RALGPS1: variants seen among roughly 807,000 people sequenced by gnomAD.
The protein encoded by RALGPS1 is Ral GEF with PH domain and SH3 binding motif 1.
In RALGPS1, 19 loss-of-function variants were observed where a neutral mutation model predicts 78.8. The ratio of observed to expected loss-of-function variants is 0.24; its 90% CI spans 0.17 to 0.35. RALGPS1 has a LOEUF of 0.35. Among genes scored for constraint, RALGPS1 ranks in the 10% least tolerant of loss-of-function variants. The probability of loss-of-function intolerance (pLI) is 1.00; values close to 1 mark genes in which losing one functional copy is unlikely to be tolerated. For synonymous variants in RALGPS1, 228 were observed against 256.3 expected (o/e 0.89, Z 1.06); for missense variants, 454 against 688.3 (o/e 0.66, Z 3.81).
At chr9:127,047,909 G>A (rs770341554) in intron 5 of RALGPS1, among the ~76,000 whole-genome samples, 11 of 152,124 alleles carry the variant, frequency 7.2e-5, no homozygotes, top group Non-Finnish European at 1.5e-4. Flanking sequence ...ATAAAAAAGT[G>A]TTTACAACTA....
intron 8 of RALGPS1, among the ~76,000 whole-genome samples, chr9:127,137,749 T>C (rs1344252130): frequency 1.3e-5 from 2 of 152,210 alleles, no homozygotes; most frequent in African/African-American, 4.8e-5. Flanking sequence ...ATACATGGCG[T>C]GAGCAGATCA....
At chr9:127,161,191 G>A (rs1420518866) in intron 8 of RALGPS1, among the ~76,000 whole-genome samples, 1 of 152,266 alleles carries the variant, frequency 6.6e-6, no homozygotes, top group Non-Finnish European at 1.5e-5. Context: ...ACTGAGGGGT[G>A]GCCACCATGC....
At chr9:126,982,499 A>G (rs765892952) in intron 4 of RALGPS1, among the ~76,000 whole-genome samples, 8 of 152,246 alleles carry the variant, frequency 5.3e-5, no homozygotes, top group Non-Finnish European at 1.0e-4. Context: ...GCTGGAACCT[A>G]TTAAAACAAC....
intron 8 of RALGPS1, among the ~76,000 whole-genome samples, chr9:127,095,228 C>G (rs1358212025): frequency 6.6e-6 from 1 of 152,124 alleles, no homozygotes; most frequent in Non-Finnish European, 1.5e-5. Context: ...GAAACCCTGT[C>G]TCTACTAAAA....
At chr9:127,202,549 C>T (rs907395096) in intron 14 of RALGPS1, among the ~76,000 whole-genome samples, 1 of 152,206 alleles carries the variant, frequency 6.6e-6, no homozygotes, top group Non-Finnish European at 1.5e-5. Flanking sequence ...CTCTTCTGCT[C>T]TTCATCCTCC....
intron 3 of RALGPS1, among the ~76,000 whole-genome samples, chr9:126,969,980 G>GT (rs1330745441): frequency 6.6e-6 from 1 of 152,160 alleles, no homozygotes; most frequent in African/African-American, 2.4e-5. Context: ...GTGCCTAGGT[G>GT]TTAGAATTGA....
chr9:126,961,749 T>C (rs1292923149), intron 1 of RALGPS1, among the ~76,000 whole-genome samples: 1 of 152,176 alleles, frequency 6.6e-6, no homozygotes, highest in African/African-American at 2.4e-5. Flanking sequence ...TAAGCCGTGA[T>C]TGAGCCACTG....
intron 14 of RALGPS1, among the ~76,000 whole-genome samples, chr9:127,202,021 G>A (rs1184478065): frequency 6.6e-6 from 1 of 152,176 alleles, no homozygotes; most frequent in East Asian, 1.9e-4. Context: ...GCCGTGGTGG[G>A]GGAGACAGCA....
rs150672877 is a variant in RALGPS1, at chr9:127,188,702, A to G, written c.911-6389A>G. On this transcript the variant is annotated intron_variant, in intron 11 of 18. Transcript: ENST00000259351. ...TCCATTGGGCTGGTTGCAGTGGCTC[A>G]TGCCTGCAATTCCAGCACTTTGGGA... Among the ~76,000 whole-genome samples the G allele has an allele frequency of 1.5e-3, 224 of 152,038 alleles. No homozygotes were observed. The Middle Eastern group carries it at 0.017, about 12-fold the overall frequency.
chr9:126,989,064 C>G (rs1299440609), intron 4 of RALGPS1, among the ~76,000 whole-genome samples: 1 of 152,042 alleles, frequency 6.6e-6, no homozygotes, highest in East Asian at 1.9e-4. Context: ...CAAGACCCCA[C>G]CTTATCATCA....
At chr9:127,198,717 G>T (rs1004967144) in intron 13 of RALGPS1, among the ~76,000 whole-genome samples, 2 of 152,162 alleles carry the variant, frequency 1.3e-5, no homozygotes, top group African/African-American at 4.8e-5. Context: ...GTGGAGCCAG[G>T]TCAGGCCCAG....
chr9:127,182,199 G>A (rs1053314867), intron 11 of RALGPS1, among the ~76,000 whole-genome samples: 1 of 149,582 alleles, frequency 6.7e-6, no homozygotes, highest in African/African-American at 2.5e-5. Flanking sequence ...AAAAAAATTA[G>A]CAAGGCGTGG....
chr9:127,030,647 TTATTAA>T (rs1400292551), intron 4 of RALGPS1, among the ~76,000 whole-genome samples: 1 of 151,918 alleles, frequency 6.6e-6, no homozygotes, highest in African/African-American at 2.4e-5. Flanking sequence ...TTTTTTATTG[TTATTAA>T]TATTAATGGG....
chr9:127,002,448 C>CTTT (rs376846876), intron 4 of RALGPS1, among the ~76,000 whole-genome samples: 3 of 127,638 alleles, frequency 2.4e-5, no homozygotes, highest in East Asian at 2.2e-4. Flanking sequence ...TTTTTTTTTT[C>CTTT]TTTTTTTTTT....
At chr9:127,150,689 C>T (rs1306643950) in intron 8 of RALGPS1, among the ~76,000 whole-genome samples, 5 of 152,234 alleles carry the variant, frequency 3.3e-5, no homozygotes, top group Non-Finnish European at 7.3e-5. Flanking sequence ...GCTCTTACAA[C>T]TGGATTACTA....
intron 8 of RALGPS1, among the ~76,000 whole-genome samples, chr9:127,126,643 C>T (rs1322060700): frequency 3.9e-5 from 6 of 152,180 alleles, no homozygotes; most frequent in Non-Finnish European, 7.3e-5. Flanking sequence ...CTGTTAATTT[C>T]GTCTAAAGTA....
intron 8 of RALGPS1, among the ~76,000 whole-genome samples, chr9:127,140,209 C>T (rs1424008373): frequency 1.3e-5 from 2 of 152,224 alleles, no homozygotes; most frequent in African/African-American, 4.8e-5. Flanking sequence ...CACTTTTCCT[C>T]CTGCCTTGAG....
chr9:127,096,311 CGTGGGAGG>C (rs1367794442), intron 8 of RALGPS1, among the ~76,000 whole-genome samples: 1 of 152,212 alleles, frequency 6.6e-6, no homozygotes, highest in African/African-American at 2.4e-5. Context: ...CGCCGGTGGG[CGTGGGAGG>C]CCTCCCAGCT....
chr9:126,982,401 A>G (rs2041328552), intron 4 of RALGPS1, among the ~76,000 whole-genome samples: 1 of 152,184 alleles, frequency 6.6e-6, no homozygotes, highest in Non-Finnish European at 1.5e-5. Flanking sequence ...TTCCTCATTC[A>G]TAGAGTGGTG....
Sources: allele counts gnomAD v4.1 joint callset (sites outside exome capture counted in the v4.1 genomes callset), GRCh38; gene constraint gnomAD v4.1.1; transcripts MANE v1.5; gene names NCBI Gene and HGNC (gene_info 2026-07-23, HGNC 2026-07-21).